The following ABCA8 variants were observed in gnomAD, a reference collection of about 807,000 sequenced individuals.
The protein encoded by ABCA8 is ABC-type organic anion transporter ABCA8.
ABCA8 carries 177 observed loss-of-function variants against 192.3 expected under a neutral mutation model. That is an observed-to-expected ratio of 0.92 (90% CI 0.81 to 1.04). The LOEUF is 1.04. ABCA8 is among the 50% of genes least tolerant of loss of function. The pLI is 0.00. For synonymous variants in ABCA8, 642 were observed against 690.2 expected, an observed-to-expected ratio of 0.93 and a Z score of 1.09; for missense variants, 1,915 against 1,904.8, an observed-to-expected ratio of 1.01 and a Z score of -0.10.
At chr17:68,921,943 A>T (rs528916442) in intron 12 of ABCA8, among the ~76,000 whole-genome samples, 4 of 152,186 alleles carry the variant, frequency 2.6e-5, no homozygotes, top group African/African-American at 9.6e-5. Context: ...TTGTAGAAAA[A>T]AAAACCCAGA....
chr17:68,926,991 C>T (rs1237664900), intron 10 of ABCA8, among the ~76,000 whole-genome samples: 1 of 152,202 alleles, frequency 6.6e-6, no homozygotes, highest in East Asian at 1.9e-4. Context: ...CACTGTGGCT[C>T]ATGCCTGTAA....
At chr17:68,875,515 C>T (rs757536593) in intron 36 of ABCA8, 99 bp downstream of exon 36, 2 of 1,588,264 alleles carry the variant, frequency 1.3e-6, no homozygotes, top group Admixed American at 1.7e-5. Context: ...GACCTGGGCA[C>T]AGTCATTTCA....
Position 68,877,531 on chromosome 17 carries a change from A to G in ABCA8, c.4187T>C (p.Val1396Ala). The G allele has an allele frequency of 6.2e-7, 1 of 1,613,356 alleles. No homozygotes were observed. The highest frequency in any genetic ancestry group is 8.5e-7 in the Non-Finnish European group (1 of 1,179,604). ...CTCCTCTGTGTACCGTGTGATGGCA[A>G]CCTCAGCATCCCCTTTCCTCAGCCC... ...VKGLRKGDAE[V>A]AITRLVDALK... Residue 1396 changes from valine to alanine, a missense_variant, in exon 33 of 40, where the codon GTT becomes GCT. Physicochemically the swap from Val to Ala is moderately conservative, Grantham distance 64. Coordinates refer to ENST00000586539, the MANE Select transcript of ABCA8 (RefSeq NM_001288985.2).
Position 68,902,899 on chromosome 17 carries a change from C to T in ABCA8, c.2598-20G>A. On this transcript the variant is annotated intron_variant, in intron 20 of 39. Coordinates refer to ENST00000586539, the MANE Select transcript of ABCA8 (RefSeq NM_001288985.2). ...AATAGCCTACACAAAAGAAAATTGC[C>T]AAAATGAATGCAATGTCATTTCCTG... The T allele has an allele frequency of 1.9e-6, 3 of 1,597,306 alleles. No homozygotes were observed. Among genetic ancestry groups the T allele is most frequent in the Non-Finnish European group, 2.6e-6 (3 of 1,170,838 alleles).
chr17:68,946,894 T>C (rs934467369), intron 2 of ABCA8, among the ~76,000 whole-genome samples: 1 of 151,596 alleles, frequency 6.6e-6, no homozygotes, highest in Non-Finnish European at 1.5e-5. Context: ...TGAGCCAAGA[T>C]GGCGCCACTG....
intron 17 of ABCA8, among the ~76,000 whole-genome samples, chr17:68,910,402 C>T (rs989761686): frequency 2.0e-5 from 3 of 152,096 alleles, no homozygotes; most frequent in African/African-American, 7.2e-5. Context: ...GGGCAGAATT[C>T]GGCCACTGCC....
chr17:68,928,132 C>T, intron 9 of ABCA8, 69 bp from the exon 10 acceptor site: 1 of 1,294,306 alleles, frequency 7.7e-7, no homozygotes, highest in Non-Finnish European at 1.1e-6. Context: ...TTAGGTTTAG[C>T]ATAGTAATGA....
intron 2 of ABCA8, among the ~76,000 whole-genome samples, chr17:68,947,121 G>A (rs1344959166): frequency 6.6e-6 from 1 of 151,956 alleles, no homozygotes; most frequent in East Asian, 1.9e-4. Context: ...GATAAATAAA[G>A]GTCTGATTAC....
chr17:68,887,613 C>A, intron 24 of ABCA8, 107 bp from the exon 25 acceptor site: 3 of 966,680 alleles, frequency 3.1e-6, no homozygotes, highest in South Asian at 2.0e-5. Flanking sequence ...TAGATTATGT[C>A]TACAAATGTA....
intron 14 of ABCA8, 86 bp downstream of exon 14, chr17:68,919,215 A>G: frequency 1.6e-6 from 2 of 1,250,136 alleles, no homozygotes; most frequent in South Asian, 3.2e-5. Flanking sequence ...TGATTTGCGC[A>G]CAAATAATTT....
chr17:68,952,913 G>C (rs1362998585), intron 1 of ABCA8, among the ~76,000 whole-genome samples: 1 of 152,156 alleles, frequency 6.6e-6, no homozygotes, highest in African/African-American at 2.4e-5. Flanking sequence ...GTCTGTATAT[G>C]GGGGGTGATT....
chr17:68,922,582 T>C (rs2067575407), intron 11 of ABCA8, among the ~76,000 whole-genome samples: 1 of 151,992 alleles, frequency 6.6e-6, no homozygotes, highest in South Asian at 2.1e-4. Flanking sequence ...TAAGCTAATA[T>C]TAGTATTGAG....
intron 38 of ABCA8, among the ~76,000 whole-genome samples, chr17:68,869,165 G>A (rs1252158878): frequency 1.3e-5 from 2 of 152,254 alleles, no homozygotes; most frequent in Non-Finnish European, 1.5e-5. Context: ...TAGCGAGAGA[G>A]TTCTGACTAG....
intron 6 of ABCA8, 38 bp from the exon 7 acceptor site, chr17:68,932,552 A>G (rs1180566822): frequency 1.9e-5 from 26 of 1,393,878 alleles, no homozygotes; most frequent in Non-Finnish European, 2.6e-5. Flanking sequence ...TTGTACGTTA[A>G]TGAACAGCAT....
intron 17 of ABCA8, among the ~76,000 whole-genome samples, chr17:68,909,497 G>A (rs1254567923): frequency 6.6e-6 from 1 of 152,142 alleles, no homozygotes; most frequent in Non-Finnish European, 1.5e-5. Flanking sequence ...CTCGCAAATT[G>A]GGCAGGGATC....
At chr17:68,921,975 A>G (rs2067544266) in intron 12 of ABCA8, among the ~76,000 whole-genome samples, 1 of 152,040 alleles carries the variant, frequency 6.6e-6, no homozygotes, top group Non-Finnish European at 1.5e-5. Flanking sequence ...CTACCTCAAT[A>G]TTACCCAGTA....
At position 68,918,117 on chromosome 17, in the gene ABCA8, C is replaced by T; in HGVS notation, c.1977G>A (p.Leu659=). The T allele has an allele frequency of 9.3e-6, 15 of 1,614,158 alleles. No individual in the cohort carries two copies. Among genetic ancestry groups the T allele is most frequent in the Non-Finnish European group, 1.3e-5 (15 of 1,180,014 alleles). ...TCACGCGGTCTGTTTTGCGTTCTTTCAGAAGGTTCCATACTTGGTGTCTTG... is the reference window on the plus strand; with the variant it reads ...TCACGCGGTCTGTTTTGCGTTCTTTTAGAAGGTTCCATACTTGGTGTCTTG... ...PFSRHQVWNL[L]KERKTDRVIL... is the part of the protein sequence containing the mutation. The change falls in exon 16 of 40, where the codon CTG becomes CTA. Residue 659 remains leucine (L), a synonymous_variant. Transcript: ENST00000586539.
Position 68,927,907 on chromosome 17 carries a change from AT to A in ABCA8, c.1273+8del. The A allele has an allele frequency of 6.3e-7, 1 of 1,583,896 alleles. No individual in the cohort carries two copies. Among genetic ancestry groups the A allele is most frequent in the Non-Finnish European group, 8.6e-7 (1 of 1,163,078 alleles). ...AATGATATATGATTTTAATCATATCATTACTCACTTGGCAAAATTTTTTCAA... is the reference window on the plus strand; with the variant it reads ...AATGATATATGATTTTAATCATATCATACTCACTTGGCAAAATTTTTTCAA... On this transcript the variant is annotated splice_region_variant and intron_variant, in intron 10 of 39. Transcript: ENST00000586539.
At chr17:68,917,100 T>C (rs954787299) in intron 17 of ABCA8, among the ~76,000 whole-genome samples, 1 of 152,034 alleles carries the variant, frequency 6.6e-6, no homozygotes, top group Non-Finnish European at 1.5e-5. Flanking sequence ...AAACCCCGAC[T>C]CTACCAAAAA....
Sources: allele counts gnomAD v4.1 joint callset (sites outside exome capture counted in the v4.1 genomes callset), GRCh38; gene constraint gnomAD v4.1.1; transcripts MANE v1.5; gene names NCBI Gene and HGNC (gene_info 2026-07-23, HGNC 2026-07-21).